TESK2: variants seen among roughly 807,000 people sequenced by gnomAD.
TESK2 encodes dual specificity testis-specific protein kinase 2.
In TESK2, 39 loss-of-function variants were observed where a neutral mutation model predicts 57.1. That is an observed-to-expected ratio of 0.68 (90% CI 0.53 to 0.89). The LOEUF is 0.89. Ranked by LOEUF, TESK2 falls within the 40% of genes least tolerant of loss-of-function variation. TESK2 has a pLI of 0.00. For missense variants in TESK2, 646 were observed against 732.1 expected (o/e 0.88, Z 1.36); for synonymous variants, 249 against 267.9 (o/e 0.93, Z 0.69).
At chr1:45,421,993 G>A in intron 2 of TESK2, 147 bp from the exon 3 acceptor site, 1 of 810,734 alleles carries the variant, frequency 1.2e-6, no homozygotes, top group Non-Finnish European at 1.9e-6. Flanking sequence ...TCACTTCCAT[G>A]AATGAAGATG....
At chr1:45,361,132 C>T (rs949066271) in intron 4 of TESK2, among the ~76,000 whole-genome samples, 3 of 152,130 alleles carry the variant, frequency 2.0e-5, no homozygotes, top group South Asian at 2.1e-4. Flanking sequence ...GATTGCTACA[C>T]GGTCTCTGTG....
chr1:45,437,342 T>C (rs1427381258), intron 2 of TESK2, among the ~76,000 whole-genome samples: 1 of 152,224 alleles, frequency 6.6e-6, no homozygotes, highest in Admixed American at 6.6e-5. Context: ...GGGATTGCCT[T>C]CTAGATTTTT....
chr1:45,347,544 G>C, intron 7 of TESK2, 65 bp downstream of exon 7: 1 of 1,468,600 alleles, frequency 6.8e-7, no homozygotes, highest in Non-Finnish European at 9.5e-7. Flanking sequence ...GCAACATAGT[G>C]AGACCATCTC....
chr1:45,446,315 G>T (rs1651647838), intron 2 of TESK2, among the ~76,000 whole-genome samples: 1 of 151,750 alleles, frequency 6.6e-6, no homozygotes, highest in Non-Finnish European at 1.5e-5. Flanking sequence ...AAAAAAATTA[G>T]CTGGGTATAT....
chr1:45,388,447 T>C (rs1320287066), intron 3 of TESK2, among the ~76,000 whole-genome samples: 2 of 152,216 alleles, frequency 1.3e-5, no homozygotes, highest in Non-Finnish European at 2.9e-5. Flanking sequence ...TGATGGGTAC[T>C]AGCAGGAATT....
chr1:45,448,972 C>G (rs1330456297), intron 2 of TESK2, among the ~76,000 whole-genome samples: 3 of 152,066 alleles, frequency 2.0e-5, no homozygotes, highest in African/African-American at 7.2e-5. Context: ...CGCCTGCAAT[C>G]CTAGCACGGT....
chr1:45,401,380 A>G (rs1649591037), intron 3 of TESK2, among the ~76,000 whole-genome samples: 1 of 151,936 alleles, frequency 6.6e-6, no homozygotes, highest in Non-Finnish European at 1.5e-5. Context: ...CTGGGCAACA[A>G]GAGCAAAACT....
chr1:45,372,528 A>G (rs1294639176), intron 4 of TESK2, among the ~76,000 whole-genome samples: 1 of 151,212 alleles, frequency 6.6e-6, no homozygotes, highest in African/African-American at 2.4e-5. Flanking sequence ...GCAGTGAGCC[A>G]AGATCGTGCC....
intron 1 of TESK2, among the ~76,000 whole-genome samples, chr1:45,481,344 G>A (rs543172393): frequency 6.4e-4 from 97 of 152,072 alleles, no homozygotes; most frequent in Middle Eastern, 3.4e-3. Context: ...CAGCCTGGGC[G>A]ACAGAGCAAC....
chr1:45,477,239 GA>G lies in TESK2; in HGVS notation c.-87+13612del, dbSNP rs1161318586. On this transcript the variant is annotated intron_variant, in intron 1 of 10. Coordinates refer to ENST00000372086, the MANE Select transcript of TESK2 (RefSeq NM_007170.3). Reference sequence around the variant, plus strand: ...CAGAGTGAGACTCTGTCTCAAAAAAGAAAAAAAAAATCAAAAAAACAAATAC... The same window carrying G: ...CAGAGTGAGACTCTGTCTCAAAAAAGAAAAAAAAATCAAAAAAACAAATAC... Among the ~76,000 whole-genome samples the G allele has an allele frequency of 5.8e-5, 8 of 138,230 alleles. No individual in the cohort carries two copies. The East Asian group carries it at 6.4e-4, about 11-fold the overall frequency. 90.7% of individuals were successfully genotyped at this position (138,230 alleles called of 152,430 possible). A position where few individuals can be genotyped will look rare whatever the true frequency, so the allele number is the denominator to read the frequency against.
chr1:45,385,792 T>G (rs1236368190), intron 4 of TESK2, 120 bp downstream of exon 4: 3 of 503,846 alleles, frequency 6.0e-6, no homozygotes, highest in East Asian at 7.9e-5. Context: ...AACACTGCCA[T>G]TTTTGCATAA....
At chr1:45,373,887 A>G (rs1285087193) in intron 4 of TESK2, among the ~76,000 whole-genome samples, 1 of 152,200 alleles carries the variant, frequency 6.6e-6, no homozygotes, top group African/African-American at 2.4e-5. Flanking sequence ...ACAGATTCCA[A>G]AGTTGGAACA....
intron 1 of TESK2, among the ~76,000 whole-genome samples, chr1:45,484,479 T>C (rs1162193536): frequency 1.3e-5 from 2 of 151,698 alleles, no homozygotes; most frequent in African/African-American, 4.8e-5. Flanking sequence ...CTCATGCCTG[T>C]AATCCCAGCA....
chr1:45,461,905 G>A lies in TESK2; in HGVS notation c.-86-4034C>T, dbSNP rs1309455023. Among the ~76,000 whole-genome samples the A allele has an allele frequency of 3.3e-5, 5 of 152,126 alleles. No individual in the cohort carries two copies. The South Asian group carries it at 8.3e-4, about 25-fold the overall frequency. ...GTAAATGAGGTATCCATCACCTCAA[G>A]CATTCATCATTTCTTTGTGTTACAA... On this transcript the variant is annotated intron_variant, in intron 1 of 10. Coordinates refer to ENST00000372086, the MANE Select transcript of TESK2 (RefSeq NM_007170.3).
chr1:45,482,007 G>C (rs1200186550), intron 1 of TESK2, among the ~76,000 whole-genome samples: 1 of 152,194 alleles, frequency 6.6e-6, no homozygotes, highest in Non-Finnish European at 1.5e-5. Flanking sequence ...CAGTGAGCAA[G>C]TGTTGTGAGT....
At chr1:45,441,282 T>G (rs1235290738) in intron 2 of TESK2, among the ~76,000 whole-genome samples, 1 of 152,186 alleles carries the variant, frequency 6.6e-6, no homozygotes, top group Non-Finnish European at 1.5e-5. Context: ...GCAATTCTCC[T>G]GCCTCAGCAT....
chr1:45,345,206 A>G lies in TESK2; in HGVS notation c.1350T>C (p.Pro450=), dbSNP rs765056793. 5.6e-6 allele frequency: 9 copies of G among 1,614,080 alleles called. No individual in the cohort carries two copies. The highest frequency in any genetic ancestry group is 2.2e-5 in the East Asian group (1 of 44,894). Residue 450 remains proline (P), a synonymous_variant, in exon 11 of 11, where the codon CCT becomes CCC. Transcript: ENST00000372086. ...LADWQEPLAP[P]IRRWRSLPGS... ...CAGGCAAGGAACGCCACCGGCGAAT[A>G]GGTGGGGCCAGGGGCTCCTGCCAGT...
intron 1 of TESK2, among the ~76,000 whole-genome samples, chr1:45,489,578 T>C (rs1570786601): frequency 6.6e-6 from 1 of 152,080 alleles, no homozygotes; most frequent in Non-Finnish European, 1.5e-5. Context: ...TTGACTGAGG[T>C]CAGACGTTCG....
intron 2 of TESK2, among the ~76,000 whole-genome samples, chr1:45,423,858 T>A (rs548621470): frequency 6.6e-6 from 1 of 152,190 alleles, no homozygotes; most frequent in African/African-American, 2.4e-5. Context: ...CCATAACACT[T>A]TACTTGAGAA....
Sources: allele counts gnomAD v4.1 joint callset (sites outside exome capture counted in the v4.1 genomes callset), GRCh38; gene constraint gnomAD v4.1.1; transcripts MANE v1.5; gene names NCBI Gene and HGNC (gene_info 2026-07-23, HGNC 2026-07-21).